DCC: variants seen among roughly 807,000 people sequenced by gnomAD.
The protein encoded by DCC is DCC netrin 1 receptor.
Under a neutral mutation model 172.5 loss-of-function variants are expected in DCC, and 58 were observed. That is an observed-to-expected ratio of 0.34 (90% CI 0.27 to 0.42). The LOEUF is 0.42. DCC is among the 10% of genes least tolerant of loss of function. The pLI is 1.00. For synonymous variants in DCC, 709 were observed against 644.5 expected, an observed-to-expected ratio of 1.10 and a Z score of -1.52; for missense variants, 1,740 against 1,791.0, an observed-to-expected ratio of 0.97 and a Z score of 0.51.
chr18:53,249,680 G>C (rs145094776), intron 12 of DCC, among the ~76,000 whole-genome samples: 1 of 151,902 alleles, frequency 6.6e-6, no homozygotes, highest in Non-Finnish European at 1.5e-5. Context: ...AGGCGTAACA[G>C]TAGAAAGAAA....
intron 21 of DCC, among the ~76,000 whole-genome samples, chr18:53,427,905 A>C (rs1194915055): frequency 3.1e-5 from 2 of 64,420 alleles, no homozygotes; most frequent in East Asian, 8.0e-4. Context: ...AATTATATAT[A>C]ATATATAATA....
chr18:52,929,330 C>T (rs2040267563), intron 5 of DCC, among the ~76,000 whole-genome samples: 1 of 151,532 alleles, frequency 6.6e-6, no homozygotes, highest in Non-Finnish European at 1.5e-5. Context: ...CCACACATTC[C>T]TATTCATCGT....
Position 53,111,455 on chromosome 18 carries a change from AAAG to A in DCC, c.1261+45291_1261+45293del, listed in dbSNP as rs202244668. 9.5e-3 allele frequency among the ~76,000 whole-genome samples: 1,432 copies of A among 151,286 alleles called. 32 individuals are homozygous for A. The highest frequency in any genetic ancestry group is 0.032 in the African/African-American group (1,331 of 41,370). ...AAAAGAAAGAAAGATTAAAAAAAAA[AAAG>A]AGAGACCACCAACTTTGGGTTTGAA... is the stretch of plus-strand genomic sequence containing the variant. On this transcript the variant is annotated intron_variant, in intron 7 of 28. Coordinates refer to ENST00000442544, the MANE Select transcript of DCC (RefSeq NM_005215.4).
intron 7 of DCC, among the ~76,000 whole-genome samples, chr18:53,071,932 C>A (rs1292213656): frequency 1.3e-5 from 2 of 152,012 alleles, no homozygotes; most frequent in Non-Finnish European, 1.5e-5. Flanking sequence ...AGTTTGAGAC[C>A]AAACTGGCCA....
In DCC at chr18:52,977,142, C is replaced by G. The variant is rs140353438; in HGVS notation, c.985+51772C>G. ...CTTTTCTGTGTTTATTGTTTTATGT[C>G]ATCTTTTTTTTTCTTACCCCTCATA... On this transcript the variant is annotated intron_variant, in intron 5 of 28. Transcript: ENST00000442544. 1.8e-4 allele frequency among the ~76,000 whole-genome samples: 27 copies of G among 152,102 alleles called. No individual in the cohort carries two copies. The East Asian group carries it at 5.0e-3, about 28-fold the overall frequency.
chr18:52,602,598 C>T (rs1433235384), intron 1 of DCC, among the ~76,000 whole-genome samples: 2 of 151,896 alleles, frequency 1.3e-5, no homozygotes, highest in Non-Finnish European at 1.5e-5. Flanking sequence ...TAGTAATATG[C>T]CTTTATTAAA....
chr18:52,576,913 A>G (rs1163884292), intron 1 of DCC, among the ~76,000 whole-genome samples: 1 of 151,582 alleles, frequency 6.6e-6, no homozygotes, highest in South Asian at 2.1e-4. Context: ...TCCTTCAATG[A>G]GCATTATATT....
At chr18:52,550,040 G>C (rs557015027) in intron 1 of DCC, among the ~76,000 whole-genome samples, 1 of 152,038 alleles carries the variant, frequency 6.6e-6, no homozygotes, top group African/African-American at 2.4e-5. Flanking sequence ...CCTTAGCCAA[G>C]TGTTCAAGGT....
At chr18:52,781,451 T>C (rs902135435) in intron 2 of DCC, among the ~76,000 whole-genome samples, 1 of 152,152 alleles carries the variant, frequency 6.6e-6, no homozygotes, top group African/African-American at 2.4e-5. Flanking sequence ...TTGAATTTTA[T>C]AGTCAACGTG....
chr18:52,548,253 A>C (rs2032669675), intron 1 of DCC, among the ~76,000 whole-genome samples: 1 of 152,118 alleles, frequency 6.6e-6, no homozygotes, highest in Non-Finnish European at 1.5e-5. Flanking sequence ...AACCATCCTT[A>C]ATATAGGCCA....
At chr18:52,624,687 G>T (rs922266737) in intron 1 of DCC, among the ~76,000 whole-genome samples, 2 of 152,156 alleles carry the variant, frequency 1.3e-5, no homozygotes, top group African/African-American at 4.8e-5. Flanking sequence ...TGTAGGACAG[G>T]ACCTTGGAAA....
At chr18:52,619,313 A>G (rs2034439603) in intron 1 of DCC, among the ~76,000 whole-genome samples, 1 of 152,220 alleles carries the variant, frequency 6.6e-6, no homozygotes. Context: ...TCCCTGCTAG[A>G]TATATTAGAT....
intron 1 of DCC, among the ~76,000 whole-genome samples, chr18:52,739,677 G>A (rs1023655742): frequency 6.6e-6 from 1 of 152,186 alleles, no homozygotes; most frequent in African/African-American, 2.4e-5. Context: ...GGCTTAAAAT[G>A]TATCACTAGC....
In DCC at chr18:53,157,423, A is replaced by G. The variant is rs753122540; in HGVS notation, c.1329A>G (p.Arg443=). 1 of 1,613,958 alleles carries G rather than the reference A, an allele frequency of 6.2e-7. No individual in the cohort carries two copies. The highest frequency in any genetic ancestry group is 1.1e-5 in the South Asian group (1 of 91,060). ...TGGTCCCTGTCTTGGTTTCCAGCCG[A>G]TTTGTCCGTCTCAGCTGGCGCCCAC... ...RDVVPVLVSS[R]FVRLSWRPPA... The change falls in exon 8 of 29, where the codon CGA becomes CGG. Residue 443 remains arginine, a synonymous_variant. Coordinates refer to ENST00000442544, the MANE Select transcript of DCC (RefSeq NM_005215.4).
At chr18:52,434,555 A>AT (rs1309184222) in intron 1 of DCC, among the ~76,000 whole-genome samples, 2 of 152,038 alleles carry the variant, frequency 1.3e-5, no homozygotes, top group Non-Finnish European at 2.9e-5. Context: ...TGCATAAACT[A>AT]TTTTTGGTAA....
At chr18:53,433,050 G>T (rs1911723114) in intron 21 of DCC, among the ~76,000 whole-genome samples, 1 of 151,916 alleles carries the variant, frequency 6.6e-6, no homozygotes. Context: ...ATTTCCTTTT[G>T]TGATATTAAT....
At chr18:52,638,917 T>A (rs12967078) in intron 1 of DCC, among the ~76,000 whole-genome samples, 1 of 151,978 alleles carries the variant, frequency 6.6e-6, no homozygotes, top group South Asian at 2.1e-4. Flanking sequence ...TATTTAACAA[T>A]GCATGGAACT....
At chr18:53,193,692 G>A (rs1032639395) in intron 9 of DCC, among the ~76,000 whole-genome samples, 2 of 151,980 alleles carry the variant, frequency 1.3e-5, no homozygotes, top group African/African-American at 2.4e-5. Context: ...TCTGACTTCC[G>A]TGAAACCTAC....
At chr18:52,992,517 G>A (rs2145624603) in intron 5 of DCC, among the ~76,000 whole-genome samples, 1 of 152,274 alleles carries the variant, frequency 6.6e-6, no homozygotes, top group Admixed American at 6.5e-5. Context: ...TCTTTATCCA[G>A]TTCTTCTACG....
Sources: allele counts gnomAD v4.1 joint callset (sites outside exome capture counted in the v4.1 genomes callset), GRCh38; gene constraint gnomAD v4.1.1; transcripts MANE v1.5; gene names NCBI Gene and HGNC (gene_info 2026-07-23, HGNC 2026-07-21).